Variants in OGFR observed in about 807,000 individuals in gnomAD.
The protein encoded by OGFR is opioid growth factor receptor.
OGFR carries 18 observed loss-of-function variants against 33.6 expected under a neutral mutation model. The ratio of observed to expected loss-of-function variants is 0.54; its 90% CI spans 0.37 to 0.80. The LOEUF (loss-of-function observed/expected upper bound fraction) is 0.80, where lower values mean the gene tolerates loss of function less well. Among genes scored for constraint, OGFR ranks in the 30% least tolerant of loss-of-function variants. The probability of loss-of-function intolerance (pLI) is 0.00; values close to 1 mark genes in which losing one functional copy is unlikely to be tolerated. For synonymous variants in OGFR, 370 were observed against 400.7 expected, an observed-to-expected ratio of 0.92 and a Z score of 0.91; for missense variants, 877 against 955.8, an observed-to-expected ratio of 0.92 and a Z score of 1.09.
chr20:62,805,114 G>T (rs1324614242), intron 1 of OGFR, 84 bp downstream of exon 1: 2 of 1,133,102 alleles, frequency 1.8e-6, no homozygotes, highest in Non-Finnish European at 2.3e-6. Context: ...CCCATCCCGG[G>T]CGGAGACACC....
Position 62,812,480 on chromosome 20 carries a change from C to A in OGFR, c.865C>A (p.Gln289Lys). 6.3e-7 allele frequency: 1 copy of A among 1,579,370 alleles called. No homozygotes were observed. Among genetic ancestry groups the A allele is most frequent in the Non-Finnish European group, 8.6e-7 (1 of 1,163,172 alleles). The change falls in exon 7 of 7, where the codon CAA becomes AAA. Residue 289 changes from glutamine to lysine, a missense_variant. By Grantham distance (53) the Gln-to-Lys change is moderately conservative. This residue lies in a region of OGFR where 760 missense variants were observed against 736.0 expected (regional missense o/e 1.03). Coordinates refer to ENST00000290291, the MANE Select transcript of OGFR (RefSeq NM_007346.4). ...CCGCTGCAAGTTCGTCTGGGGGCCC[C>A]AAGACAAGCTGCGGAGGTTCAAGCC... Reference protein sequence around the residue: ...RPRCKFVWGPQDKLRRFKPSS... With the variant: ...RPRCKFVWGPKDKLRRFKPSS...
At position 62,809,149 on chromosome 20, in the gene OGFR, GC is replaced by G. The variant is rs554956751; in HGVS notation, c.320-431del. On this transcript the variant is annotated intron_variant, in intron 3 of 6. Coordinates refer to ENST00000290291, the MANE Select transcript of OGFR (RefSeq NM_007346.4). ...GGGTGGCTGCACAAAACACTGTCAG[GC>G]CCCCATCTCAGGAGACTGTGCCTGC... 1.2e-3 allele frequency among the ~76,000 whole-genome samples: 187 copies of G among 152,272 alleles called. 1 individual carries two copies. Among genetic ancestry groups the G allele is most frequent in the African/African-American group, 4.4e-3 (182 of 41,546 alleles).
Position 62,808,336 on chromosome 20 carries a change from C to G in OGFR, c.319+11C>G, listed in dbSNP as rs1260978494. 3 of 1,606,854 alleles carry G rather than the reference C, an allele frequency of 1.9e-6. No individual in the cohort carries two copies. The highest frequency in any genetic ancestry group is 2.6e-6 in the Non-Finnish European group (3 of 1,174,282). On this transcript the variant is annotated intron_variant, in intron 3 of 6. Transcript: ENST00000290291. ...GCTTCCTGCCCAACGGTAGGTGCCT[C>G]ACAACCACTGGCAGCCGGCGCTTCC...
At position 62,811,447 on chromosome 20, in the gene OGFR, G is replaced by A. The variant is rs1367856553; in HGVS notation, c.466-15G>A. 6.2e-7 allele frequency: 1 copy of A among 1,609,594 alleles called. No individual in the cohort carries two copies. Among genetic ancestry groups the A allele is most frequent in the African/African-American group, 1.3e-5 (1 of 74,850 alleles). On this transcript the variant is annotated splice_polypyrimidine_tract_variant and intron_variant, in intron 5 of 6. Transcript: ENST00000290291. The stretch of plus-strand genomic sequence containing the variant: ...CAGGGATGGTGCCTGAGCTCTCCAA[G>A]GGGGTCTTTTCCAGGTGTTTAAAAG...
intron 6 of OGFR, 143 bp downstream of exon 6, chr20:62,811,753 T>G: frequency 1.1e-6 from 1 of 949,878 alleles, no homozygotes; most frequent in South Asian, 1.7e-5. Context: ...GTCCCCTCCT[T>G]GCTGCCTGTA....
chr20:62,813,955 C>T lies in OGFR; in HGVS notation c.*306C>T. ...GGCGGGCAGGGCTGCTTTTCTTAGT[C>T]TGATACCAAGCAAGGCCTTTTCTGA... On this transcript the variant is annotated 3_prime_UTR_variant, in exon 7 of 7. Transcript: ENST00000290291. 1 of 513,964 alleles carries T rather than the reference C, an allele frequency of 1.9e-6. No homozygotes were observed. The highest frequency in any genetic ancestry group is 3.5e-6 in the Non-Finnish European group (1 of 289,224). 31.8% of individuals were successfully genotyped at this position (513,964 alleles called of 1,614,324 possible). A position where few individuals can be genotyped will look rare whatever the true frequency, so the allele number is the denominator to read the frequency against.
At position 62,812,395 on chromosome 20, in the gene OGFR, CGT is replaced by C. The variant is rs757655309; in HGVS notation, c.782_783del (p.Val261AlafsTer74). On this transcript the variant is annotated frameshift_variant, in exon 7 of 7. Transcript: ENST00000290291. LOFTEE classifies it low-confidence loss of function (END_TRUNC). ...QSALDYFMFA[V>X]RCRHQRRQLV... ...GTGCCCTGGACTACTTCATGTTCGC[CGT>C]GCGCTGCCGACACCAGCGCCGCCAG... is the stretch of plus-strand genomic sequence containing the variant. The C allele has an allele frequency of 6.3e-7, 1 of 1,580,098 alleles. No homozygotes were observed. Among genetic ancestry groups the C allele is most frequent in the South Asian group, 1.2e-5 (1 of 86,932 alleles).
intron 6 of OGFR, 131 bp from the exon 7 acceptor site, chr20:62,812,097 GGA>G (rs1255129589): frequency 9.0e-6 from 7 of 776,010 alleles, no homozygotes; most frequent in East Asian, 5.7e-5. Flanking sequence ...AGAGGTAAAT[GGA>G]GAGAGAGACT....
intron 1 of OGFR, 69 bp downstream of exon 1, chr20:62,805,099 A>C (rs1196412783): frequency 3.4e-6 from 4 of 1,186,128 alleles, no homozygotes; most frequent in Admixed American, 4.3e-5. Context: ...TGGACGGGAG[A>C]CCCCCCCATC....
At position 62,811,576 on chromosome 20, in the gene OGFR, CAG is replaced by C. The variant is rs1201158669; in HGVS notation, c.582_583del (p.Asn195LeufsTer27). 6.3e-7 allele frequency: 1 copy of C among 1,599,082 alleles called. No individual in the cohort carries two copies. The highest frequency in any genetic ancestry group is 8.5e-7 in the Non-Finnish European group (1 of 1,173,748). On this transcript the variant is annotated frameshift_variant, in exon 6 of 7. Coordinates refer to ENST00000290291, the MANE Select transcript of OGFR (RefSeq NM_007346.4). LOFTEE classifies it low-confidence loss of function (END_TRUNC). ...DRGTGTVGRA[Q>X]NYQKRFQNLN... ...AGGCACGGGCACGGTGGGCCGAGCA[CAG>C]AACTACCAGAAGCGCTTCCAGAACC...
intron 2 of OGFR, chr20:62,807,947 C>T: frequency 1.7e-6 from 1 of 600,294 alleles, no homozygotes; most frequent in Non-Finnish European, 3.0e-6. Context: ...GCAGGTTGTC[C>T]TCAGCCATTA....
In OGFR at chr20:62,812,736, C is replaced by G. The variant is rs374043529; in HGVS notation, c.1121C>G (p.Pro374Arg). 1.2e-6 allele frequency: 2 copies of G among 1,604,064 alleles called. No individual in the cohort carries two copies. The highest frequency in any genetic ancestry group is 2.2e-5 in the South Asian group (2 of 90,132). Residue 374 changes from proline (P) to arginine (R), a missense_variant, in exon 7 of 7, where the codon CCG (proline) becomes CGG (arginine). Physicochemically the swap from Pro to Arg is moderately radical, Grantham distance 103 (BLOSUM62 -2). This residue lies in a region of OGFR where 760 missense variants were observed against 736.0 expected (regional missense o/e 1.03). Coordinates refer to ENST00000290291, the MANE Select transcript of OGFR (RefSeq NM_007346.4). Reference protein sequence around the residue: ...DEAGGHGEDRPEPLSPKESKK... With the variant: ...DEAGGHGEDRREPLSPKESKK... ...GCAGGGGGCCACGGGGAAGATAGGC[C>G]GGAGCCCTTAAGCCCCAAAGAGAGC...
In OGFR at chr20:62,813,639, G is replaced by A. The variant is rs1444460652; in HGVS notation, c.2024G>A (p.Gly675Glu). Residue 675 changes from glycine to glutamate, a missense_variant, in exon 7 of 7, where the codon GGG becomes GAG. By Grantham distance (98) the Gly-to-Glu change is moderately conservative. Around this residue, in one of 3 missense-constraint regions of OGFR, gnomAD observed 45 missense variants for 38.0 expected, o/e 1.19. Coordinates refer to ENST00000290291, the MANE Select transcript of OGFR (RefSeq NM_007346.4). Reference sequence around the variant, plus strand: ...GAGGTGGAGTCTTCTGCCAAGTCTGGGAAGCCTTAAGGAAAGGAGTGCCCG... The same window carrying A: ...GAGGTGGAGTCTTCTGCCAAGTCTGAGAAGCCTTAAGGAAAGGAGTGCCCG... ...DAEVESSAKS[G>E]KP The A allele has an allele frequency of 1.1e-5, 18 of 1,612,430 alleles. No individual in the cohort carries two copies. The South Asian group carries it at 1.9e-4, about 17-fold the overall frequency.
chr20:62,810,061 C>T (rs1990688708), intron 4 of OGFR, among the ~76,000 whole-genome samples: 2 of 149,040 alleles, frequency 1.3e-5, no homozygotes, highest in South Asian at 2.2e-4. Flanking sequence ...TTGTGGCAGG[C>T]GTCTTGGGGA....
At chr20:62,807,401 G>A (rs1990619664) in intron 1 of OGFR, 136 bp from the exon 2 acceptor site, 2 of 728,216 alleles carry the variant, frequency 2.7e-6, no homozygotes, top group South Asian at 1.7e-5. Flanking sequence ...AGGAGAATGA[G>A]AGGGAGGAGC....
chr20:62,811,022 A>G (rs896137766), intron 5 of OGFR, among the ~76,000 whole-genome samples: 3 of 152,194 alleles, frequency 2.0e-5, no homozygotes, highest in African/African-American at 7.2e-5. Flanking sequence ...AGCAGCTCAG[A>G]GGAGAGATGG....
chr20:62,808,123 G>A (rs1466172951), intron 2 of OGFR, 124 bp from the exon 3 acceptor site: 1 of 796,748 alleles, frequency 1.3e-6, no homozygotes, highest in Admixed American at 1.8e-5. Flanking sequence ...GAGGAGCCAG[G>A]CGGGCTCTTG....
intron 3 of OGFR, 128 bp downstream of exon 3, chr20:62,808,453 C>A: frequency 1.4e-6 from 1 of 701,200 alleles, no homozygotes; most frequent in Non-Finnish European, 2.5e-6. Flanking sequence ...CCCCACAGTG[C>A]CCCCTGGAGG....
At chr20:62,805,100 C>G in intron 1 of OGFR, 70 bp downstream of exon 1, 1 of 1,156,686 alleles carries the variant, frequency 8.6e-7, no homozygotes, top group Non-Finnish European at 1.1e-6. Flanking sequence ...GGACGGGAGA[C>G]CCCCCCATCC....
Sources: gnomAD v4.1 joint callset for allele counts (sites outside exome capture counted in the v4.1 genomes callset) on GRCh38, gnomAD v4.1.1 for gene constraint, gnomAD v4.1.1 regional missense constraint, MANE v1.5 for transcripts, NCBI Gene and HGNC (gene_info 2026-07-23, HGNC 2026-07-21) for gene names.